EPHB1: variants seen among roughly 807,000 people sequenced by gnomAD.
EPHB1 encodes EPH receptor B1, also known as ephrin type-B receptor 1.
Under a neutral mutation model 94.4 loss-of-function variants are expected in EPHB1, and 30 were observed. The observed-to-expected ratio is 0.32, with a 90% confidence interval of 0.24 to 0.43. EPHB1 has a LOEUF of 0.43. Ranked by LOEUF, EPHB1 falls within the 20% of genes least tolerant of loss-of-function variation. EPHB1 has a pLI of 1.00. For missense variants in EPHB1, 1,055 were observed against 1,308.3 expected, an observed-to-expected ratio of 0.81 and a Z score of 2.99; for synonymous variants, 522 against 489.1, an observed-to-expected ratio of 1.07 and a Z score of -0.89.
chr3:134,990,970 A>G (rs1934775128), intron 3 of EPHB1, among the ~76,000 whole-genome samples: 1 of 152,142 alleles, frequency 6.6e-6, no homozygotes, highest in Non-Finnish European at 1.5e-5. Context: ...TTAAATCCTT[A>G]CGGATAACTT....
intron 15 of EPHB1, among the ~76,000 whole-genome samples, chr3:135,252,680 T>C (rs76978946): frequency 8.1e-6 from 1 of 123,998 alleles, no homozygotes; most frequent in Non-Finnish European, 1.8e-5. Flanking sequence ...AAACATACGT[T>C]TGCACGTGTC....
At chr3:135,076,325 G>A (rs943581491) in intron 3 of EPHB1, among the ~76,000 whole-genome samples, 1 of 149,874 alleles carries the variant, frequency 6.7e-6, no homozygotes. Flanking sequence ...AATATGCATG[G>A]GGATTTCAGC....
At chr3:135,219,792 T>C (rs2107719598) in intron 12 of EPHB1, among the ~76,000 whole-genome samples, 1 of 152,148 alleles carries the variant, frequency 6.6e-6, no homozygotes, top group East Asian at 1.9e-4. Flanking sequence ...ATCTGTCCAG[T>C]TCTGTAAGAG....
intron 12 of EPHB1, among the ~76,000 whole-genome samples, chr3:135,228,050 T>TGG (rs1354934395): frequency 6.6e-6 from 1 of 152,220 alleles, no homozygotes. Context: ...TAATTTAACA[T>TGG]GGATAAAATA....
chr3:134,884,573 C>T (rs1190872634), intron 1 of EPHB1, among the ~76,000 whole-genome samples: 2 of 152,256 alleles, frequency 1.3e-5, no homozygotes, highest in Admixed American at 6.5e-5. Flanking sequence ...GAGCATCAGA[C>T]ACATTTCTGT....
intron 12 of EPHB1, among the ~76,000 whole-genome samples, chr3:135,233,907 T>G (rs1379026688): frequency 1.3e-5 from 2 of 152,216 alleles, no homozygotes; most frequent in South Asian, 2.1e-4. Context: ...CTGGAGCAGC[T>G]GAGATACAGT....
chr3:135,172,725 G>A (rs1282431392), intron 9 of EPHB1, among the ~76,000 whole-genome samples: 1 of 152,250 alleles, frequency 6.6e-6, no homozygotes, highest in East Asian at 1.9e-4. Context: ...GAGAGTAAAC[G>A]AAGTCTTATT....
chr3:134,875,457 G>A (rs558352711), intron 1 of EPHB1, among the ~76,000 whole-genome samples: 5 of 152,216 alleles, frequency 3.3e-5, no homozygotes, highest in African/African-American at 1.2e-4. Flanking sequence ...GAGCACTTAT[G>A]GAACTGCAGG....
chr3:135,255,288 CTTTT>C (rs1034186209), intron 15 of EPHB1, among the ~76,000 whole-genome samples: 11 of 152,036 alleles, frequency 7.2e-5, no homozygotes, highest in African/African-American at 2.7e-4. Flanking sequence ...TTTTCTAGTT[CTTTT>C]AATTGTGATG....
intron 3 of EPHB1, among the ~76,000 whole-genome samples, chr3:135,029,917 T>G (rs1936371777): frequency 6.6e-6 from 1 of 151,674 alleles, no homozygotes; most frequent in African/African-American, 2.4e-5. Flanking sequence ...GAGGCTTTGC[T>G]CGTTTCTTTT....
intron 3 of EPHB1, among the ~76,000 whole-genome samples, chr3:135,061,368 A>ACCCCCCCCCCCCCCCCCCCC (rs34282243): frequency 9.0e-6 from 1 of 111,372 alleles, no homozygotes; most frequent in Non-Finnish European, 1.9e-5. Context: ...AGGAATGACC[A>ACCCCCCCCCCCCCCCCCCCC]CCCCCCCCGA....
intron 4 of EPHB1, among the ~76,000 whole-genome samples, chr3:135,126,040 A>T (rs756843431): frequency 2.1e-4 from 32 of 152,132 alleles, no homozygotes; most frequent in South Asian, 2.1e-4. Flanking sequence ...TATTTTGAAA[A>T]TTGAATTCTG....
chr3:134,906,176 TC>T (rs2038323272), intron 1 of EPHB1, among the ~76,000 whole-genome samples: 1 of 152,220 alleles, frequency 6.6e-6, no homozygotes, highest in African/African-American at 2.4e-5. Context: ...TTATTCTGTT[TC>T]CCTTTATACC....
chr3:134,905,547 G>A (rs769682783), intron 1 of EPHB1, among the ~76,000 whole-genome samples: 36 of 152,348 alleles, frequency 2.4e-4, no homozygotes, highest in African/African-American at 7.9e-4. Context: ...GGGACCACCC[G>A]CTGGGAAAAG....
chr3:135,204,361 G>A (rs1204890121), intron 12 of EPHB1, among the ~76,000 whole-genome samples: 1 of 151,992 alleles, frequency 6.6e-6, no homozygotes, highest in African/African-American at 2.4e-5. Context: ...CCACCACCAT[G>A]CCTAGCTAAC....
rs2107712942 is a variant in EPHB1 at position 135,201,466 on chromosome 3, T to C, written c.2131-8T>C. 4 of 1,613,876 alleles carry C rather than the reference T, an allele frequency of 2.5e-6. No individual in the cohort carries two copies. In the East Asian group the frequency reaches 6.7e-5, roughly 27 times the overall value. Reference sequence around the variant, plus strand: ...CTTGATCCCAATGCCCTCTATGTCTTATTACAGCAAAATGACGGGCAGTTC... The same window carrying C: ...CTTGATCCCAATGCCCTCTATGTCTCATTACAGCAAAATGACGGGCAGTTC... On this transcript the variant is annotated splice_polypyrimidine_tract_variant and splice_region_variant and intron_variant, in intron 11 of 15. Transcript: ENST00000398015.
intron 3 of EPHB1, among the ~76,000 whole-genome samples, chr3:135,039,301 T>C (rs9866461): frequency 5.5e-4 from 84 of 152,302 alleles, no homozygotes; most frequent in Non-Finnish European, 1.1e-3. Context: ...GTATTTACAA[T>C]CCCTGAGCTA....
intron 5 of EPHB1, among the ~76,000 whole-genome samples, chr3:135,148,227 A>T (rs1203960647): frequency 6.6e-6 from 1 of 152,212 alleles, no homozygotes; most frequent in Non-Finnish European, 1.5e-5. Flanking sequence ...TTGGAGGAGG[A>T]TGCCCCTATC....
chr3:135,060,399 T>C (rs1477295407), intron 3 of EPHB1, among the ~76,000 whole-genome samples: 4 of 152,256 alleles, frequency 2.6e-5, no homozygotes, highest in Admixed American at 1.3e-4. Context: ...TGTATGGATA[T>C]ACCACATTTT....
Sources: gnomAD v4.1 joint callset for allele counts (sites outside exome capture counted in the v4.1 genomes callset) on GRCh38, gnomAD v4.1.1 for gene constraint, MANE v1.5 for transcripts, NCBI Gene and HGNC (gene_info 2026-07-23, HGNC 2026-07-21) for gene names.